Variants in LRRFIP2 observed in about 807,000 individuals in gnomAD.
The protein encoded by LRRFIP2 is LRR binding FLII interacting protein 2.
A neutral mutation model predicts 125.9 loss-of-function variants in LRRFIP2; 109 were observed. That is an observed-to-expected ratio of 0.87 (90% CI 0.74 to 1.01). LRRFIP2 has a LOEUF of 1.01. LRRFIP2 is among the 50% of genes least tolerant of loss of function. LRRFIP2 has a pLI of 0.00. For missense variants in LRRFIP2, 850 were observed against 862.3 expected (o/e 0.99, Z 0.18); for synonymous variants, 291 against 293.1 (o/e 0.99, Z 0.07).
chr3:37,063,202 A>G (rs142841166), intron 24 of LRRFIP2, among the ~76,000 whole-genome samples: 4 of 152,340 alleles, frequency 2.6e-5, no homozygotes, highest in African/African-American at 9.6e-5. Context: ...ACCTGGCTCC[A>G]CTGTGTGAGT....
At position 37,052,910 on chromosome 3, in the gene LRRFIP2, GT is replaced by G. The variant is rs1199072929; in HGVS notation, c.*940del. 6.6e-6 allele frequency: 1 copy of G among 152,196 alleles called. No individual in the cohort carries two copies. Among genetic ancestry groups the G allele is most frequent in the African/African-American group, 2.4e-5 (1 of 41,446 alleles). 9.4% of individuals were successfully genotyped at this position (152,196 alleles called of 1,614,324 possible). A position where few individuals can be genotyped will look rare whatever the true frequency, so the allele number is the denominator to read the frequency against. On this transcript the variant is annotated 3_prime_UTR_variant, in exon 28 of 28. Transcript: ENST00000336686. Reference sequence around the variant, plus strand: ...CTTTAAAAGTTCTACATTCCAGATTGTTTTTCCTTGAGAAGGAGACAAAAGA... The same window carrying G: ...CTTTAAAAGTTCTACATTCCAGATTGTTTTCCTTGAGAAGGAGACAAAAGA...
chr3:37,121,919 C>CT (rs201185006), intron 4 of LRRFIP2, among the ~76,000 whole-genome samples: 6,091 of 136,290 alleles, frequency 0.045, 196 homozygotes, highest in Middle Eastern at 0.065. Flanking sequence ...AGTTTTCTTT[C>CT]TTTTTTTTTT....
At chr3:37,063,649 A>T in intron 24 of LRRFIP2, 93 bp downstream of exon 24, 1 of 904,794 alleles carries the variant, frequency 1.1e-6, no homozygotes, top group Non-Finnish European at 1.8e-6. Flanking sequence ...TGTTTGAAAG[A>T]AGCATATTTT....
chr3:37,103,092 G>A, intron 14 of LRRFIP2, 79 bp from the exon 15 acceptor site: 2 of 1,112,354 alleles, frequency 1.8e-6, no homozygotes, highest in African/African-American at 1.6e-5. Context: ...GGCCAATTAG[G>A]GAAAAGTTTT....
intron 2 of LRRFIP2, among the ~76,000 whole-genome samples, chr3:37,137,112 G>A (rs1316594830): frequency 6.6e-6 from 1 of 151,778 alleles, no homozygotes; most frequent in Non-Finnish European, 1.5e-5. Context: ...GAGACTATAG[G>A]CATACACCAC....
rs1039479432 is a variant in LRRFIP2, at chr3:37,056,441, C to A, written c.1871-1276G>T. Among the ~76,000 whole-genome samples, 35 of 150,018 alleles carry A rather than the reference C, an allele frequency of 2.3e-4. 1 individual carries two copies. The highest frequency in any genetic ancestry group is 4.0e-4 in the Non-Finnish European group (27 of 67,428). ...AGGTTACAATTACTTATACAGTCTT[C>A]AATGTGAGAGGTTTTTCTTTTTTTT... On this transcript the variant is annotated intron_variant, in intron 25 of 27. Transcript: ENST00000336686.
At chr3:37,070,606 C>CT (rs1401040400) in intron 21 of LRRFIP2, among the ~76,000 whole-genome samples, 2 of 151,840 alleles carry the variant, frequency 1.3e-5, no homozygotes. Context: ...CGTGGTGGTG[C>CT]ACACCTGTAG....
At chr3:37,094,669 C>T (rs2093634174) in intron 17 of LRRFIP2, 123 bp downstream of exon 17, 3 of 648,910 alleles carry the variant, frequency 4.6e-6, no homozygotes, top group Non-Finnish European at 8.1e-6. Flanking sequence ...TTGTACAGTA[C>T]TTATTTTTTA....
intron 2 of LRRFIP2, among the ~76,000 whole-genome samples, chr3:37,148,365 A>T (rs2095913654): frequency 6.6e-6 from 1 of 152,228 alleles, no homozygotes; most frequent in Non-Finnish European, 1.5e-5. Context: ...TTAGGGCACA[A>T]GCACCTGCCC....
chr3:37,102,609 C>T (rs2094123722), intron 15 of LRRFIP2, among the ~76,000 whole-genome samples: 1 of 150,906 alleles, frequency 6.6e-6, no homozygotes, highest in Non-Finnish European at 1.5e-5. Flanking sequence ...AGCGATATTC[C>T]TGCCTCAGCC....
intron 2 of LRRFIP2, among the ~76,000 whole-genome samples, chr3:37,130,431 C>T (rs1199491345): frequency 6.6e-6 from 1 of 152,132 alleles, no homozygotes; most frequent in Non-Finnish European, 1.5e-5. Context: ...CAGAACAGCA[C>T]AAAGGGAGGA....
chr3:37,063,809 G>C lies in LRRFIP2; in HGVS notation c.1700-18C>G, dbSNP rs2148741068. 6.3e-7 allele frequency: 1 copy of C among 1,593,840 alleles called. No individual in the cohort carries two copies. The highest frequency in any genetic ancestry group is 2.2e-5 in the East Asian group (1 of 44,664). Reference sequence around the variant, plus strand: ...CCTTACATCTAAAACAAATGAAAAAGATCATAAACTAAATATGTGATGATA... The same window carrying C: ...CCTTACATCTAAAACAAATGAAAAACATCATAAACTAAATATGTGATGATA... On this transcript the variant is annotated intron_variant, in intron 23 of 27. Transcript: ENST00000336686.
intron 11 of LRRFIP2, 84 bp from the exon 12 acceptor site, chr3:37,108,768 C>T (rs2094443619): frequency 3.4e-6 from 4 of 1,173,754 alleles, no homozygotes; most frequent in East Asian, 2.4e-5. Context: ...ATACTCAGTA[C>T]CAAAAAAGTT....
intron 6 of LRRFIP2, among the ~76,000 whole-genome samples, chr3:37,116,847 T>C (rs1043094354): frequency 6.6e-6 from 1 of 152,154 alleles, no homozygotes; most frequent in South Asian, 2.1e-4. Flanking sequence ...ATAAATTCAT[T>C]GAAAATGTTA....
At chr3:37,055,023 T>C in intron 26 of LRRFIP2, 63 bp downstream of exon 26, 2 of 1,084,420 alleles carry the variant, frequency 1.8e-6, no homozygotes, top group Non-Finnish European at 2.8e-6. Flanking sequence ...CACTCATGGG[T>C]TGTTAGCCAC....
chr3:37,100,363 C>T (rs1298433081), intron 15 of LRRFIP2, among the ~76,000 whole-genome samples: 1 of 145,782 alleles, frequency 6.9e-6, no homozygotes, highest in Non-Finnish European at 1.5e-5. Context: ...TATATATACA[C>T]ATACATACAT....
intron 2 of LRRFIP2, chr3:37,134,782 A>G: frequency 3.7e-6 from 3 of 801,944 alleles, no homozygotes; most frequent in Non-Finnish European, 2.2e-6. Context: ...GGACCTAATG[A>G]CAGCCCATAT....
chr3:37,057,718 C>T (rs1413892699), intron 25 of LRRFIP2, among the ~76,000 whole-genome samples: 1 of 151,982 alleles, frequency 6.6e-6, no homozygotes, highest in African/African-American at 2.4e-5. Flanking sequence ...ATGAAAAGTC[C>T]ATGGAATAAA....
At chr3:37,065,777 T>G (rs2090008397) in intron 23 of LRRFIP2, 33 bp downstream of exon 23, 3 of 1,613,984 alleles carry the variant, frequency 1.9e-6, no homozygotes, top group Non-Finnish European at 2.5e-6. Flanking sequence ...AGGGTAACAT[T>G]AATCCAAGTC....
Sources: allele counts gnomAD v4.1 joint callset (sites outside exome capture counted in the v4.1 genomes callset), GRCh38; gene constraint gnomAD v4.1.1; transcripts MANE v1.5; gene names NCBI Gene and HGNC (gene_info 2026-07-23, HGNC 2026-07-21).